PUM1: variants seen among roughly 807,000 people sequenced by gnomAD.
The protein encoded by PUM1 is pumilio RNA binding family member 1, also known as pumilio homolog 1.
PUM1 carries 13 observed loss-of-function variants against 131.8 expected under a neutral mutation model. The ratio of observed to expected loss-of-function variants is 0.10; its 90% confidence interval spans 0.06 to 0.16. PUM1 has a LOEUF of 0.16. Ranked by LOEUF, PUM1 falls within the 10% of genes least tolerant of loss-of-function variation. PUM1 has a pLI of 1.00. For missense variants in PUM1, 961 were observed against 1,512.4 expected, an observed-to-expected ratio of 0.64 and a Z score of 6.05; for synonymous variants, 509 against 556.5, an observed-to-expected ratio of 0.91 and a Z score of 1.20.
At chr1:31,011,413 T>C (rs1008747868) in intron 3 of PUM1, among the ~76,000 whole-genome samples, 1 of 152,230 alleles carries the variant, frequency 6.6e-6, no homozygotes, top group African/African-American at 2.4e-5. Context: ...CTGGCTTTTT[T>C]AACTCGGCAA....
chr1:31,031,553 A>G (rs1278305696), intron 2 of PUM1, among the ~76,000 whole-genome samples: 2 of 152,224 alleles, frequency 1.3e-5, no homozygotes, highest in Non-Finnish European at 2.9e-5. Flanking sequence ...TGGCACTGCC[A>G]GGATCTTAAT....
intron 1 of PUM1, among the ~76,000 whole-genome samples, chr1:31,060,949 T>C (rs1644354337): frequency 1.3e-5 from 2 of 151,928 alleles, no homozygotes; most frequent in Admixed American, 1.3e-4. Flanking sequence ...TGATAGGATA[T>C]TTCTTAAAGA....
intron 3 of PUM1, among the ~76,000 whole-genome samples, chr1:31,012,213 T>TAA (rs11372153): frequency 0.014 from 2,004 of 147,440 alleles, 43 homozygotes; most frequent in African/African-American, 0.044. Flanking sequence ...TTTTTTTCCT[T>TAA]AAAAAAAAAA....
chr1:31,023,347 A>C (rs534433227), intron 3 of PUM1, among the ~76,000 whole-genome samples: 6 of 152,168 alleles, frequency 3.9e-5, no homozygotes, highest in Non-Finnish European at 8.8e-5. Context: ...TTTTGGAGTC[A>C]ACTGTGCTGC....
At position 30,974,772 on chromosome 1, in the gene PUM1, C is replaced by A; in HGVS notation, c.1385G>T (p.Gly462Val). The A allele has an allele frequency of 6.2e-7, 1 of 1,612,612 alleles. No individual in the cohort carries two copies. The highest frequency in any genetic ancestry group is 1.1e-5 in the South Asian group (1 of 90,822). ...AGGGTAGACTCCCCAGGGAGTAACTCCATAATACTGGTGAGGGACCACAGC... is the reference window on the plus strand; with the variant it reads ...AGGGTAGACTCCCCAGGGAGTAACTACATAATACTGGTGAGGGACCACAGC... ...GPAVVPHQYYGVTPWGVYPAS... is the reference protein window; with the variant it reads ...GPAVVPHQYYVVTPWGVYPAS... The change falls in exon 10 of 22, where the codon GGA becomes GTA. Residue 462 changes from glycine (G) to valine (V), a missense_variant. By Grantham distance (109) the Gly-to-Val change is moderately radical. Around this residue, in one of 4 missense-constraint regions of PUM1, gnomAD observed 654 missense variants for 923.9 expected, o/e 0.71. Transcript: ENST00000426105.
At chr1:30,966,624 T>C (rs569434369) in intron 12 of PUM1, among the ~76,000 whole-genome samples, 1 of 152,372 alleles carries the variant, frequency 6.6e-6, no homozygotes. Flanking sequence ...TAGAACCATG[T>C]AATGCACATA....
chr1:30,979,767 T>C (rs556066050), intron 9 of PUM1, among the ~76,000 whole-genome samples: 114 of 152,182 alleles, frequency 7.5e-4, no homozygotes, highest in African/African-American at 2.7e-3. Flanking sequence ...CTAGAGGTGG[T>C]AGGAGATCTG....
intron 17 of PUM1, chr1:30,949,049 T>C (rs2124406396): frequency 6.6e-6 from 3 of 457,510 alleles, no homozygotes; most frequent in East Asian, 6.5e-5. Flanking sequence ...AGCCTTCAAC[T>C]GCCACTGCCA....
At chr1:30,974,562 G>T in intron 10 of PUM1, 89 bp downstream of exon 10, 1 of 1,281,500 alleles carries the variant, frequency 7.8e-7, no homozygotes, top group Non-Finnish European at 1.1e-6. Context: ...TGCATTCACA[G>T]TGTTTTTCTA....
intron 2 of PUM1, among the ~76,000 whole-genome samples, chr1:31,032,618 A>G (rs1643471886): frequency 6.6e-6 from 1 of 151,886 alleles, no homozygotes. Flanking sequence ...ACCTGGAACT[A>G]CATTACCACA....
chr1:30,942,194 TATATATATATATATATATATATATA>T (rs1557545178), intron 18 of PUM1, 71 bp from the exon 19 acceptor site: 2,120 of 163,688 alleles, frequency 0.013, 416 homozygotes, highest in Non-Finnish European at 0.013. Flanking sequence ...GTATTGTTTA[TATATATATATATATATATATATATA>T]TATATATATA....
Position 30,953,831 on chromosome 1 carries a change from A to G in PUM1, c.2474T>C (p.Met825Thr). The G allele has an allele frequency of 6.2e-7, 1 of 1,614,264 alleles. No homozygotes were observed. Among genetic ancestry groups the G allele is most frequent in the Non-Finnish European group, 8.5e-7 (1 of 1,180,040 alleles). ...CAAAAGCCTGCTCCTGCCAGAAGGC[A>G]TGACATCAGACATTCCATATCGCAA... is the stretch of plus-strand genomic sequence containing the variant. Reference protein sequence around the residue: ...SRLRYGMSDVMPSGRSRLLED... With the variant: ...SRLRYGMSDVTPSGRSRLLED... Residue 825 changes from methionine (M) to threonine (T), a missense_variant, in exon 15 of 22, where the codon ATG becomes ACG. By Grantham distance (81) the Met-to-Thr change is moderately conservative. This residue lies in a region of PUM1 where 117 missense variants were observed against 200.7 expected (regional missense o/e 0.58). Transcript: ENST00000426105.
chr1:30,984,303 T>C (rs1321321111), intron 7 of PUM1, among the ~76,000 whole-genome samples: 3 of 152,360 alleles, frequency 2.0e-5, no homozygotes, highest in African/African-American at 7.2e-5. Context: ...CAATATTAAC[T>C]GGAAATACAG....
intron 2 of PUM1, among the ~76,000 whole-genome samples, chr1:31,035,034 G>C (rs774264246): frequency 9.2e-5 from 14 of 152,178 alleles, no homozygotes; most frequent in Non-Finnish European, 1.5e-4. Flanking sequence ...CTGTTCTACA[G>C]CATCTTCTGC....
At chr1:31,058,736 C>T (rs1175474182) in intron 2 of PUM1, among the ~76,000 whole-genome samples, 1 of 151,522 alleles carries the variant, frequency 6.6e-6, no homozygotes, top group Non-Finnish European at 1.5e-5. Context: ...TTTGGGAGGC[C>T]GAAGCGGGCA....
At chr1:30,953,656 A>G in intron 15 of PUM1, 58 bp downstream of exon 15, 1 of 1,587,956 alleles carries the variant, frequency 6.3e-7, no homozygotes, top group South Asian at 1.1e-5. Flanking sequence ...CATCTGAGCC[A>G]AGACAGTTAA....
rs554371159 is a variant in PUM1, at chr1:30,941,373, C to T, written c.3121-101G>A. The T allele has an allele frequency of 6.4e-5, 81 of 1,266,860 alleles. No individual in the cohort carries two copies. In the African/African-American group the frequency reaches 9.2e-4, roughly 14 times the overall value. 78.5% of individuals were successfully genotyped at this position (1,266,860 alleles called of 1,614,324 possible). A position where few individuals can be genotyped will look rare whatever the true frequency, so the allele number is the denominator to read the frequency against. Reference sequence around the variant, plus strand: ...ATTAAAACCTGTCTTTCTTTTACCACCATAACGGTTTATATGAATACTAAT... The same window carrying T: ...ATTAAAACCTGTCTTTCTTTTACCATCATAACGGTTTATATGAATACTAAT... On this transcript the variant is annotated intron_variant, in intron 19 of 21. Transcript: ENST00000426105.
chr1:30,964,857 T>C lies in PUM1; in HGVS notation c.2140A>G (p.Ser714Gly). 6.2e-7 allele frequency: 1 copy of C among 1,614,134 alleles called. No individual in the cohort carries two copies. The highest frequency in any genetic ancestry group is 8.5e-7 in the Non-Finnish European group (1 of 1,179,998). The change falls in exon 14 of 22, where the codon AGT becomes GGT. Residue 714 changes from serine (S) to glycine (G), a missense_variant. Coordinates refer to ENST00000426105, the MANE Select transcript of PUM1 (RefSeq NM_001020658.2). ...GSRRDSLTGSSDLYKRTSSSL... is the reference protein window; with the variant it reads ...GSRRDSLTGSGDLYKRTSSSL... ...CTCGATGTCCTCTTATAAAGGTCAC[T>C]GCTGCCAGTCAGGGAGTCACGGCGG...
intron 3 of PUM1, among the ~76,000 whole-genome samples, chr1:31,017,837 T>C (rs1231067248): frequency 6.6e-6 from 1 of 152,074 alleles, no homozygotes; most frequent in African/African-American, 2.4e-5. Context: ...TAGGCAACAG[T>C]AGTAACATTA....
Sources: gnomAD v4.1 joint callset for allele counts (sites outside exome capture counted in the v4.1 genomes callset) on GRCh38, gnomAD v4.1.1 for gene constraint, gnomAD v4.1.1 regional missense constraint, MANE v1.5 for transcripts, NCBI Gene and HGNC (gene_info 2026-07-23, HGNC 2026-07-21) for gene names.